SFXN5: variants seen among roughly 807,000 people sequenced by gnomAD.
SFXN5 encodes sideroflexin 5.
A neutral mutation model predicts 50.2 loss-of-function variants in SFXN5; 43 were observed. The ratio of observed to expected loss-of-function variants is 0.86; its 90% CI spans 0.67 to 1.11. The LOEUF (loss-of-function observed/expected upper bound fraction) is 1.11, where lower values mean the gene tolerates loss of function less well. Ranked by LOEUF, SFXN5 falls within the 50% of genes least tolerant of loss-of-function variation. SFXN5 has a pLI of 0.00. For synonymous variants in SFXN5, 203 were observed against 185.8 expected (o/e 1.09, Z -0.75); for missense variants, 463 against 454.1 (o/e 1.02, Z -0.18).
intron 10 of SFXN5, among the ~76,000 whole-genome samples, chr2:72,977,349 G>A (rs544224115): frequency 2.6e-5 from 4 of 152,218 alleles, no homozygotes; most frequent in East Asian, 1.9e-4. Context: ...AAATCCATAC[G>A]ATGTATAAGA....
At chr2:72,946,933 T>C (rs781495207) in intron 13 of SFXN5, among the ~76,000 whole-genome samples, 134 of 152,334 alleles carry the variant, frequency 8.8e-4, no homozygotes, top group Non-Finnish European at 1.5e-3. Context: ...GGACTGATTT[T>C]GGTTCCTCGC....
intron 9 of SFXN5, among the ~76,000 whole-genome samples, chr2:72,991,586 G>A (rs752372242): frequency 2.8e-4 from 42 of 152,338 alleles, no homozygotes; most frequent in Non-Finnish European, 5.3e-4. Flanking sequence ...AGGTCTTACC[G>A]CCCCAGCACC....
At chr2:73,008,949 G>A (rs937568364) in intron 6 of SFXN5, among the ~76,000 whole-genome samples, 16 of 152,074 alleles carry the variant, frequency 1.1e-4, no homozygotes, top group African/African-American at 3.4e-4. Flanking sequence ...AGGGTAGGGC[G>A]AGGTGACTCC....
intron 9 of SFXN5, 57 bp from the exon 10 acceptor site, chr2:72,988,405 G>A: frequency 1.4e-6 from 2 of 1,461,042 alleles, no homozygotes; most frequent in Middle Eastern, 1.8e-4. Flanking sequence ...AGTGGCTTGT[G>A]GGAGGAGGGG....
At chr2:73,048,193 T>A (rs768968345) in intron 2 of SFXN5, among the ~76,000 whole-genome samples, 4 of 152,240 alleles carry the variant, frequency 2.6e-5, no homozygotes, top group East Asian at 1.9e-4. Context: ...TATAGAGATA[T>A]AGATACGTAC....
At chr2:72,965,417 A>T (rs1674273058) in intron 12 of SFXN5, among the ~76,000 whole-genome samples, 1 of 152,188 alleles carries the variant, frequency 6.6e-6, no homozygotes, top group Non-Finnish European at 1.5e-5. Flanking sequence ...CTTCCAGTAC[A>T]CCAAGGCAAG....
At chr2:73,039,592 C>T (rs1301856727) in intron 3 of SFXN5, among the ~76,000 whole-genome samples, 1 of 152,026 alleles carries the variant, frequency 6.6e-6, no homozygotes, top group African/African-American at 2.4e-5. Context: ...GAGCTGAATC[C>T]TCAACTACCA....
chr2:73,012,666 A>T (rs1675671025), intron 6 of SFXN5, among the ~76,000 whole-genome samples: 1 of 147,996 alleles, frequency 6.8e-6, no homozygotes, highest in Non-Finnish European at 1.5e-5. Flanking sequence ...ACACACACAC[A>T]CACACACACA....
chr2:72,975,538 C>T (rs994623695), intron 10 of SFXN5, among the ~76,000 whole-genome samples: 6 of 152,194 alleles, frequency 3.9e-5, no homozygotes, highest in African/African-American at 9.7e-5. Flanking sequence ...CTCAATTCTA[C>T]GATGCACCTT....
intron 6 of SFXN5, 97 bp from the exon 7 acceptor site, chr2:73,001,675 CT>C: frequency 8.6e-7 from 1 of 1,164,112 alleles, no homozygotes; most frequent in African/African-American, 1.5e-5. Flanking sequence ...TGAGCTGGAT[CT>C]GTACAAACTG....
chr2:73,013,591 A>C (rs1675807725), intron 6 of SFXN5, among the ~76,000 whole-genome samples: 1 of 152,098 alleles, frequency 6.6e-6, no homozygotes, highest in Non-Finnish European at 1.5e-5. Flanking sequence ...GAAATTTATA[A>C]ACCTTTCTCA....
chr2:73,001,491 C>T, intron 7 of SFXN5, 34 bp downstream of exon 7: 1 of 1,612,698 alleles, frequency 6.2e-7, no homozygotes, highest in South Asian at 1.1e-5. Flanking sequence ...GTGGGCCCTT[C>T]CTTCAGGAGC....
chr2:73,007,813 C>T (rs1199904830), intron 6 of SFXN5, among the ~76,000 whole-genome samples: 1 of 152,162 alleles, frequency 6.6e-6, no homozygotes, highest in Non-Finnish European at 1.5e-5. Context: ...ATTTATGTGG[C>T]TAATGATCTG....
intron 13 of SFXN5, among the ~76,000 whole-genome samples, chr2:72,951,102 G>A (rs1014919111): frequency 6.6e-6 from 1 of 152,124 alleles, no homozygotes; most frequent in East Asian, 1.9e-4. Flanking sequence ...CAGGGACCAG[G>A]GAGCACTGCC....
intron 2 of SFXN5, among the ~76,000 whole-genome samples, chr2:73,046,126 T>C (rs1267641552): frequency 1.3e-5 from 2 of 152,136 alleles, no homozygotes; most frequent in African/African-American, 4.8e-5. Context: ...AGCGATATGT[T>C]GGCCGGGTGC....
At chr2:72,975,058 G>A (rs576361738) in intron 10 of SFXN5, among the ~76,000 whole-genome samples, 1 of 152,324 alleles carries the variant, frequency 6.6e-6, no homozygotes, top group Admixed American at 6.5e-5. Context: ...TGATGTTTGA[G>A]CAGCAATGTG....
intron 2 of SFXN5, among the ~76,000 whole-genome samples, chr2:73,048,608 G>C (rs1680816898): frequency 6.6e-6 from 1 of 152,156 alleles, no homozygotes; most frequent in South Asian, 2.1e-4. Flanking sequence ...ATTTTCTTTA[G>C]ACTTTTATAT....
intron 6 of SFXN5, among the ~76,000 whole-genome samples, chr2:73,007,641 G>A (rs185804693): frequency 6.6e-6 from 1 of 152,062 alleles, no homozygotes; most frequent in Non-Finnish European, 1.5e-5. Context: ...CACATACCCG[G>A]GAGCCTCCCA....
chr2:72,966,578 G>A (rs963827719), intron 12 of SFXN5, among the ~76,000 whole-genome samples: 3 of 152,128 alleles, frequency 2.0e-5, no homozygotes, highest in African/African-American at 7.2e-5. Context: ...CAGAGCCTCC[G>A]CCCTCTTCTA....
Sources: allele counts gnomAD v4.1 joint callset (sites outside exome capture counted in the v4.1 genomes callset), GRCh38; gene constraint gnomAD v4.1.1; transcripts MANE v1.5; gene names NCBI Gene and HGNC (gene_info 2026-07-23, HGNC 2026-07-21).